Variants in BMAL1 observed in about 807,000 individuals in gnomAD.
BMAL1 encodes the protein basic helix-loop-helix ARNT-like protein 1.
the BMAL1 span, among the ~76,000 whole-genome samples, chr11:13,319,261 A>G: frequency 2.0e-5 from 3 of 152,216 alleles, no homozygotes; most frequent in Non-Finnish European, 4.4e-5. Flanking sequence ...ATAGACACTC[A>G]GGTTGTTTCT....
chr11:13,372,173 A>G, the BMAL1 span: 1 of 1,613,836 alleles, frequency 6.2e-7, no homozygotes, highest in Non-Finnish European at 8.5e-7. Flanking sequence ...CAGATCGAAA[A>G]AGCTTCTGCA....
chr11:13,324,966 T>G, the BMAL1 span, among the ~76,000 whole-genome samples: 2 of 152,180 alleles, frequency 1.3e-5, no homozygotes, highest in Non-Finnish European at 2.9e-5. Context: ...CTTTAGCGGC[T>G]GTGAAAATCG....
chr11:13,384,141 C>T, the BMAL1 span, among the ~76,000 whole-genome samples: 55 of 152,234 alleles, frequency 3.6e-4, 1 homozygote, highest in African/African-American at 1.2e-3. Flanking sequence ...TGAAGTGAAC[C>T]TGTCACTTTA....
the BMAL1 span, among the ~76,000 whole-genome samples, chr11:13,281,468 G>A: frequency 1.3e-5 from 2 of 152,044 alleles, no homozygotes; most frequent in African/African-American, 2.4e-5. Flanking sequence ...AGTTCCTGGG[G>A]CCCATCTGCC....
At chr11:13,357,195 T>C in the BMAL1 span, 1 of 1,520,134 alleles carries the variant, frequency 6.6e-7, no homozygotes, top group South Asian at 1.2e-5. This position sits in a 1 kb window ranked among gnomAD's most constrained non-coding sequence, Gnocchi z 4.8. Flanking sequence ...CTAAGAGTTC[T>C]GTTGGGCACT....
At chr11:13,301,782 A>G in the BMAL1 span, among the ~76,000 whole-genome samples, 1 of 152,238 alleles carries the variant, frequency 6.6e-6, no homozygotes, top group Non-Finnish European at 1.5e-5. Flanking sequence ...TAAGAGCTTT[A>G]TATGTAGTAA....
the BMAL1 span, chr11:13,386,820 T>G: frequency 9.3e-5 from 145 of 1,565,190 alleles, no homozygotes; most frequent in Non-Finnish European, 1.2e-4. Flanking sequence ...AGTTTTACAG[T>G]CTGTGAAGCT....
At chr11:13,339,145 C>T in the BMAL1 span, among the ~76,000 whole-genome samples, 1 of 152,198 alleles carries the variant, frequency 6.6e-6, no homozygotes, top group East Asian at 1.9e-4. Context: ...CTGGGAGTCA[C>T]CCCCATGTCT....
the BMAL1 span, among the ~76,000 whole-genome samples, chr11:13,369,289 T>C: frequency 6.6e-6 from 1 of 152,218 alleles, no homozygotes; most frequent in East Asian, 1.9e-4. Flanking sequence ...CCCTGTCCTA[T>C]TATTAATCTT....
chr11:13,284,230 GTGTGTATATATATATATATATATATA>G, the BMAL1 span, among the ~76,000 whole-genome samples: 13 of 20,654 alleles, frequency 6.3e-4, 2 homozygotes, highest in African/African-American at 2.4e-3. Flanking sequence ...ATATATATGT[GTGTGTATATATATATATATATATATA>G]TATATATATA....
At chr11:13,381,853 T>G in the BMAL1 span, among the ~76,000 whole-genome samples, 1 of 152,214 alleles carries the variant, frequency 6.6e-6, no homozygotes. Flanking sequence ...GCTGGAGAAC[T>G]TATAAGCCTA....
chr11:13,342,821 G>T, the BMAL1 span, among the ~76,000 whole-genome samples: 1 of 152,144 alleles, frequency 6.6e-6, no homozygotes, highest in African/African-American at 2.4e-5. Flanking sequence ...GATGGGACTG[G>T]CCTGTGTTTA....
the BMAL1 span, among the ~76,000 whole-genome samples, chr11:13,386,237 T>G: frequency 6.6e-6 from 1 of 152,238 alleles, no homozygotes; most frequent in Non-Finnish European, 1.5e-5. Flanking sequence ...TATTTGCCTT[T>G]CTTTTTGTAA....
chr11:13,362,968 G>A, the BMAL1 span, among the ~76,000 whole-genome samples: 3 of 151,824 alleles, frequency 2.0e-5, no homozygotes, highest in African/African-American at 7.3e-5. Flanking sequence ...TGATAGGCCT[G>A]CCTCTATGCC....
At chr11:13,320,836 T>C in the BMAL1 span, among the ~76,000 whole-genome samples, 1 of 152,126 alleles carries the variant, frequency 6.6e-6, no homozygotes, top group African/African-American at 2.4e-5. Context: ...AAATAGTGTG[T>C]CCAGTAATAG....
chr11:13,325,071 T>A, the BMAL1 span, among the ~76,000 whole-genome samples: 1 of 152,216 alleles, frequency 6.6e-6, no homozygotes, highest in East Asian at 1.9e-4. Context: ...TGTCTTTGAT[T>A]TCTATTGGGA....
the BMAL1 span, among the ~76,000 whole-genome samples, chr11:13,293,677 G>A: frequency 1.8e-4 from 27 of 152,334 alleles, no homozygotes; most frequent in African/African-American, 5.8e-4. Flanking sequence ...GTGTAAAACT[G>A]GGTACCTAAC....
At chr11:13,365,815 GCTTT>G in the BMAL1 span, among the ~76,000 whole-genome samples, 24 of 152,292 alleles carry the variant, frequency 1.6e-4, no homozygotes, top group Non-Finnish European at 2.6e-4. Flanking sequence ...TAGCATTATG[GCTTT>G]CTTCTATTGC....
the BMAL1 span, among the ~76,000 whole-genome samples, chr11:13,364,376 C>CA: frequency 6.6e-6 from 1 of 152,188 alleles, no homozygotes; most frequent in Non-Finnish European, 1.5e-5. Flanking sequence ...CAAGTACATG[C>CA]ACCATTCTTT....
Sources: gnomAD v4.1 joint callset for allele counts (sites outside exome capture counted in the v4.1 genomes callset) on GRCh38, gnomAD v4.1.1 for gene constraint, Gnocchi (gnomAD v3.1) non-coding constraint, MANE v1.5 for transcripts, NCBI Gene and HGNC (gene_info 2026-07-23, HGNC 2026-07-21) for gene names.